VPS53: variants seen among roughly 807,000 people sequenced by gnomAD.
VPS53 encodes vacuolar protein sorting-associated protein 53 homolog.
A neutral mutation model predicts 107.0 loss-of-function variants in VPS53; 70 were observed. The ratio of observed to expected loss-of-function variants is 0.65; its 90% CI spans 0.54 to 0.80. VPS53 has a LOEUF of 0.80. Ranked by LOEUF, VPS53 falls within the 30% of genes least tolerant of loss-of-function variation. The pLI is 0.00. For missense variants in VPS53, 917 were observed against 1,049.4 expected (o/e 0.87, Z 1.74); for synonymous variants, 409 against 393.3 (o/e 1.04, Z -0.47).
In VPS53 at chr17:527,513, G is replaced by T. The variant is rs577734646; in HGVS notation, c.2085+5329C>A. ...GGCATATGTTTGGCTAACTGCCTAG[G>T]AGTTTTCCAATGTGGCTGGGCTAAC... On this transcript the variant is annotated intron_variant, in intron 19 of 21. Coordinates refer to ENST00000437048, the MANE Select transcript of VPS53 (RefSeq NM_001128159.3). 6.1e-4 allele frequency among the ~76,000 whole-genome samples: 93 copies of T among 152,304 alleles called. 1 individual carries two copies. In the East Asian group the frequency reaches 9.1e-3, roughly 15 times the overall value.
rs992387053 is a variant in VPS53 at position 714,809 on chromosome 17, T to G, written c.-100A>C. ...CAGCAACTCCCTCGCGGCAGCGACC[T>G]GGTGAGCCCGGCTCCGTCAGCCGCT... On this transcript the variant is annotated 5_prime_UTR_variant, in exon 1 of 22. Coordinates refer to ENST00000437048, the MANE Select transcript of VPS53 (RefSeq NM_001128159.3). 6 of 1,351,290 alleles carry G rather than the reference T, an allele frequency of 4.4e-6. No homozygotes were observed. Among genetic ancestry groups the G allele is most frequent in the Admixed American group, 3.4e-5 (2 of 58,198 alleles). 83.7% of individuals were successfully genotyped at this position (1,351,290 alleles called of 1,614,324 possible).
chr17:688,604 T>C (rs1242359656), intron 4 of VPS53, among the ~76,000 whole-genome samples: 8 of 152,060 alleles, frequency 5.3e-5, no homozygotes, highest in African/African-American at 1.4e-4. Flanking sequence ...CTACAACCAG[T>C]AGCACTCTAG....
At chr17:663,279 A>G (rs1971546513) in intron 4 of VPS53, among the ~76,000 whole-genome samples, 1 of 152,246 alleles carries the variant, frequency 6.6e-6, no homozygotes, top group Non-Finnish European at 1.5e-5. Flanking sequence ...ATGCTACACA[A>G]TGAAAGTATT....
At chr17:656,654 C>A in intron 5 of VPS53, 1 of 544,660 alleles carries the variant, frequency 1.8e-6, no homozygotes, top group Non-Finnish European at 3.2e-6. Context: ...TACTAACACC[C>A]AGGTGAAATC....
At chr17:703,686 T>TA (rs1261363008) in intron 2 of VPS53, among the ~76,000 whole-genome samples, 1 of 152,230 alleles carries the variant, frequency 6.6e-6, no homozygotes, top group Non-Finnish European at 1.5e-5. Context: ...AGAAAATAGG[T>TA]AGTCATCTGC....
chr17:696,471 A>T (rs1597498786), intron 4 of VPS53, among the ~76,000 whole-genome samples: 1 of 152,214 alleles, frequency 6.6e-6, no homozygotes, highest in East Asian at 1.9e-4. Context: ...CATTGAAGCA[A>T]TTGCAAAGAA....
intron 5 of VPS53, among the ~76,000 whole-genome samples, chr17:656,481 C>T (rs1446044130): frequency 6.6e-6 from 1 of 152,118 alleles, no homozygotes; most frequent in Non-Finnish European, 1.5e-5. Context: ...ACTAGGAGGG[C>T]AGGAGCAGTC....
chr17:519,218 G>A lies in VPS53; in HGVS notation c.2409C>T (p.Ser803=). The A allele has an allele frequency of 6.5e-7, 1 of 1,549,910 alleles. No individual in the cohort carries two copies. Reference sequence around the variant, plus strand: ...GCGCCGTCAGGGACAGTGAGCCGGAGCTTTCTGCCCCCGAGGGCGGTGCGG... The same window carrying A: ...GCGCCGTCAGGGACAGTGAGCCGGAACTTTCTGCCCCCGAGGGCGGTGCGG... The part of the protein sequence containing the change: ...RLPAPPSGAE[S]SGSLSLTAPT... Residue 803 remains serine (S), a synonymous_variant, in exon 22 of 22, where the codon AGC becomes AGT. Transcript: ENST00000437048. This position sits in a 1 kb window ranked among gnomAD's most constrained non-coding sequence, Gnocchi z 5.0.
chr17:697,413 C>A lies in VPS53; in HGVS notation c.285+5G>T. On this transcript the variant is annotated splice_donor_5th_base_variant and intron_variant, in intron 4 of 21. Transcript: ENST00000437048. ...ATAGGTAATATGGAGGAATGAGTTA[C>A]TTACTTGCCGTCCATCCTGCCCCAC... 6 of 1,613,134 alleles carry A rather than the reference C, an allele frequency of 3.7e-6. No individual in the cohort carries two copies. The highest frequency in any genetic ancestry group is 5.1e-6 in the Non-Finnish European group (6 of 1,179,062).
intron 11 of VPS53, 69 bp downstream of exon 11, chr17:623,464 A>G: frequency 1.9e-6 from 3 of 1,544,874 alleles, no homozygotes; most frequent in Non-Finnish European, 2.6e-6. Context: ...GTCACCATAC[A>G]GTGAAACCCT....
chr17:696,088 C>T (rs556785712), intron 4 of VPS53, among the ~76,000 whole-genome samples: 1 of 152,306 alleles, frequency 6.6e-6, no homozygotes, highest in East Asian at 1.9e-4. Flanking sequence ...AAAAAAAATA[C>T]AGGAGTCCAG....
In VPS53 at chr17:515,127, T is replaced by C. The variant is rs562368792; in HGVS notation, c.*4001A>G. 6.6e-6 allele frequency: 1 copy of C among 152,314 alleles called. No homozygotes were observed. Among genetic ancestry groups the C allele is most frequent in the African/African-American group, 2.4e-5 (1 of 41,562 alleles). 9.4% of individuals were successfully genotyped at this position (152,314 alleles called of 1,614,324 possible). ...AGTGACTTCAAAGTTGTTTTTTGGT[T>C]TTTAAAGGGGCTACAGAAAATGGAC... On this transcript the variant is annotated 3_prime_UTR_variant, in exon 22 of 22. Transcript: ENST00000437048.
rs61748635 is a variant in VPS53 at position 601,795 on chromosome 17, T to C, written c.1218A>G (p.Gln406=). 5.0e-3 allele frequency: 7,958 copies of C among 1,597,090 alleles called. 183 individuals carry two copies. The East Asian group carries it at 0.066, about 13-fold the overall frequency. The change falls in exon 12 of 22, where the codon CAA becomes CAG. Residue 406 remains glutamine (Q), a splice_region_variant and synonymous_variant. Transcript: ENST00000437048. ...ELATEKGDLD[Q]PKKPKAPDNP... ...CCGTGGTGACGCAAACCAGACTTACTTGATCTAAATCTCCTTTCTCCGTTG... is the reference window on the plus strand; with the variant it reads ...CCGTGGTGACGCAAACCAGACTTACCTGATCTAAATCTCCTTTCTCCGTTG...
intron 3 of VPS53, among the ~76,000 whole-genome samples, chr17:698,989 G>A (rs1226748304): frequency 1.3e-5 from 2 of 151,888 alleles, no homozygotes; most frequent in East Asian, 1.9e-4. Context: ...CCAACATGGT[G>A]AAACCCCGTC....
chr17:548,432 A>ATACACTTATTTACAGT (rs1911452671), intron 17 of VPS53, among the ~76,000 whole-genome samples: 1 of 146,116 alleles, frequency 6.8e-6, no homozygotes, highest in Non-Finnish European at 1.5e-5. Flanking sequence ...GTCCTTCTGG[A>ATACACTTATTTACAGT]AATATCCAAC....
chr17:710,478 C>T (rs1973596028), intron 2 of VPS53, 55 bp downstream of exon 2: 4 of 1,391,016 alleles, frequency 2.9e-6, no homozygotes, highest in Non-Finnish European at 3.1e-6. Context: ...CGAAGCATAA[C>T]ACCCAAGATG....
intron 17 of VPS53, among the ~76,000 whole-genome samples, chr17:544,833 A>G (rs183197196): frequency 2.9e-3 from 443 of 152,302 alleles, no homozygotes; most frequent in African/African-American, 9.0e-3. Flanking sequence ...TAATTCCAGC[A>G]TTTTGGGAGG....
chr17:574,624 G>T (rs930246496), intron 13 of VPS53, among the ~76,000 whole-genome samples: 4 of 152,070 alleles, frequency 2.6e-5, no homozygotes, highest in Non-Finnish European at 4.4e-5. Context: ...AATTAGCCAG[G>T]TGTGGTGGTG....
At chr17:685,933 G>GGCCAGGAGTTTGAGACAGTGA (rs1972569330) in intron 4 of VPS53, among the ~76,000 whole-genome samples, 2 of 152,080 alleles carry the variant, frequency 1.3e-5, no homozygotes. Flanking sequence ...GATCGTTTGA[G>GGCCAGGAGTTTGAGACAGTGA]GCCAGGAGTT....
Sources: gnomAD v4.1 joint callset for allele counts (sites outside exome capture counted in the v4.1 genomes callset) on GRCh38, gnomAD v4.1.1 for gene constraint, Gnocchi (gnomAD v3.1) non-coding constraint, MANE v1.5 for transcripts, NCBI Gene and HGNC (gene_info 2026-07-23, HGNC 2026-07-21) for gene names.